The following UBE2Q2 variants were observed in gnomAD, a reference collection of about 807,000 sequenced individuals.
UBE2Q2 encodes the protein ubiquitin-conjugating enzyme E2 Q2.
UBE2Q2 carries 54 observed loss-of-function variants against 59.9 expected under a neutral mutation model. The ratio of observed to expected loss-of-function variants is 0.90; its 90% CI spans 0.72 to 1.13. UBE2Q2 has a LOEUF of 1.13. UBE2Q2 is among the 50% of genes most tolerant of loss of function. The pLI, the probability that UBE2Q2 is intolerant of heterozygous loss-of-function variation, is 0.00. For missense variants in UBE2Q2, 433 were observed against 441.9 expected, an observed-to-expected ratio of 0.98 and a Z score of 0.18; for synonymous variants, 165 against 155.2, an observed-to-expected ratio of 1.06 and a Z score of -0.47.
intron 9 of UBE2Q2, among the ~76,000 whole-genome samples, chr15:75,883,689 G>T (rs1264751882): frequency 6.6e-6 from 1 of 151,926 alleles, no homozygotes; most frequent in Admixed American, 6.6e-5. Flanking sequence ...GTAGGTCTGT[G>T]GTGGGGCCTG....
chr15:75,856,476 A>T (rs995595791), intron 2 of UBE2Q2, among the ~76,000 whole-genome samples: 1 of 152,182 alleles, frequency 6.6e-6, no homozygotes, highest in Non-Finnish European at 1.5e-5. Context: ...TTAGAACCAG[A>T]GTCATGCAAA....
chr15:75,900,502 G>A lies in UBE2Q2; in HGVS notation c.*1044G>A, dbSNP rs1899696601. ...GCCTTACCTGAATCAGTCCTTTTTG[G>A]TTGGTAATAGATTTTTTTATACACC... On this transcript the variant is annotated 3_prime_UTR_variant, in exon 13 of 13. Coordinates refer to ENST00000267938, the MANE Select transcript of UBE2Q2 (RefSeq NM_173469.4). 6.6e-6 allele frequency: 1 copy of A among 152,528 alleles called. No homozygotes were observed. Among genetic ancestry groups the A allele is most frequent in the African/African-American group, 2.4e-5 (1 of 41,410 alleles). 9.4% of individuals were successfully genotyped at this position (152,528 alleles called of 1,614,324 possible).
intron 7 of UBE2Q2, among the ~76,000 whole-genome samples, chr15:75,878,779 T>C (rs932905867): frequency 6.6e-6 from 1 of 152,104 alleles, no homozygotes; most frequent in African/African-American, 2.4e-5. Flanking sequence ...TTTAATATGC[T>C]TTCCTAAACT....
intron 6 of UBE2Q2, among the ~76,000 whole-genome samples, chr15:75,876,655 A>G (rs1161742096): frequency 6.6e-6 from 1 of 152,156 alleles, no homozygotes; most frequent in East Asian, 1.9e-4. Flanking sequence ...CCCATTTTTG[A>G]AAGCAAGATA....
intron 11 of UBE2Q2, among the ~76,000 whole-genome samples, chr15:75,894,647 G>C (rs1227087155): frequency 6.6e-6 from 1 of 152,006 alleles, no homozygotes; most frequent in African/African-American, 2.4e-5. Context: ...AGAAATCAGT[G>C]AGTTAGAAGA....
At chr15:75,850,695 A>T (rs1397098121) in intron 1 of UBE2Q2, among the ~76,000 whole-genome samples, 2 of 152,218 alleles carry the variant, frequency 1.3e-5, no homozygotes, top group African/African-American at 4.8e-5. Context: ...GTTTCTTCCA[A>T]GGAAAGAATT....
intron 11 of UBE2Q2, among the ~76,000 whole-genome samples, chr15:75,893,518 T>C (rs335709): frequency 0.98 from 149,863 of 152,294 alleles, 73,778 homozygotes; most frequent in East Asian, 1. Context: ...ACATACCCTG[T>C]GTACTACTAG....
intron 1 of UBE2Q2, among the ~76,000 whole-genome samples, chr15:75,849,417 AACTG>A (rs1168894287): frequency 6.6e-6 from 1 of 152,210 alleles, no homozygotes; most frequent in Admixed American, 6.5e-5. Context: ...AAGATACAAA[AACTG>A]ACCATTCTGG....
intron 7 of UBE2Q2, 63 bp downstream of exon 7, chr15:75,878,084 T>C: frequency 2.8e-6 from 4 of 1,437,400 alleles, no homozygotes; most frequent in Middle Eastern, 1.7e-4. Context: ...TGGAGGTTAT[T>C]TTCCTTCTAA....
At chr15:75,853,271 A>G (rs1330184238) in intron 1 of UBE2Q2, among the ~76,000 whole-genome samples, 4 of 152,120 alleles carry the variant, frequency 2.6e-5, no homozygotes, top group African/African-American at 9.7e-5. Context: ...GGAGTTCAAG[A>G]CCAGCCTGGC....
At chr15:75,858,717 C>T (rs1415119525) in intron 2 of UBE2Q2, among the ~76,000 whole-genome samples, 1 of 152,194 alleles carries the variant, frequency 6.6e-6, no homozygotes, top group Non-Finnish European at 1.5e-5. Context: ...GTGCCAGAGG[C>T]CAGAGTGTCT....
intron 1 of UBE2Q2, among the ~76,000 whole-genome samples, chr15:75,852,434 G>T (rs1463052218): frequency 6.6e-6 from 1 of 152,188 alleles, no homozygotes; most frequent in African/African-American, 2.4e-5. Context: ...TAGGTACTTA[G>T]ATCTACAGTG....
chr15:75,856,644 C>T (rs759890314), intron 2 of UBE2Q2, among the ~76,000 whole-genome samples: 1 of 152,154 alleles, frequency 6.6e-6, no homozygotes, highest in Non-Finnish European at 1.5e-5. Flanking sequence ...TTAAACACAT[C>T]TATTCTTAAG....
chr15:75,869,970 G>A (rs950947279), intron 4 of UBE2Q2, among the ~76,000 whole-genome samples: 1 of 151,960 alleles, frequency 6.6e-6, no homozygotes, highest in Non-Finnish European at 1.5e-5. Flanking sequence ...TTTTTTTTCT[G>A]TTTTGGGTCT....
chr15:75,856,267 G>GTATATATATA (rs1420489766), intron 2 of UBE2Q2, among the ~76,000 whole-genome samples: 54 of 102,430 alleles, frequency 5.3e-4, no homozygotes, highest in African/African-American at 2.1e-3. Context: ...GTGTGTGTGT[G>GTATATATATA]TGTATATATA....
At chr15:75,863,937 G>T (rs2141587808) in intron 3 of UBE2Q2, among the ~76,000 whole-genome samples, 1 of 152,120 alleles carries the variant, frequency 6.6e-6, no homozygotes, top group African/African-American at 2.4e-5. Flanking sequence ...ACTGCACCTG[G>T]CCCCTCACTT....
chr15:75,895,525 A>G (rs78430278), intron 11 of UBE2Q2, among the ~76,000 whole-genome samples: 6,231 of 152,052 alleles, frequency 0.041, 245 homozygotes, highest in African/African-American at 0.099. Flanking sequence ...GAAAAAGACT[A>G]CCCTGTAGAA....
In UBE2Q2 at chr15:75,854,481, C is replaced by T; in HGVS notation, c.276C>T (p.Asn92=). Residue 92 remains asparagine, a synonymous_variant, in exon 2 of 13, where the codon AAC becomes AAT. Transcript: ENST00000267938. ...AACGTCTAGAAGATACTAAGAACAA[C>T]AATTTGGTAAGAAAATAAGCCAAGC... ...VLERLEDTKN[N]NLLRQQLKWL... The T allele has an allele frequency of 6.2e-7, 1 of 1,603,564 alleles. No homozygotes were observed. Among genetic ancestry groups the T allele is most frequent in the Non-Finnish European group, 8.5e-7 (1 of 1,174,446 alleles).
intron 3 of UBE2Q2, among the ~76,000 whole-genome samples, chr15:75,866,614 T>G (rs187248672): frequency 6.6e-5 from 10 of 152,314 alleles, no homozygotes; most frequent in South Asian, 2.1e-4. Context: ...CAATGTCCCT[T>G]AACTGTTCTC....
Sources: allele counts gnomAD v4.1 joint callset (sites outside exome capture counted in the v4.1 genomes callset), GRCh38; gene constraint gnomAD v4.1.1; transcripts MANE v1.5; gene names NCBI Gene and HGNC (gene_info 2026-07-23, HGNC 2026-07-21).